Variants in NAGA observed in about 807,000 individuals in gnomAD.
The protein encoded by NAGA is Acetylgalactosaminidase, alpha-N- (alpha-galactosidase B).
Under a neutral mutation model 45.6 loss-of-function variants are expected in NAGA, and 42 were observed. The ratio of observed to expected loss-of-function variants is 0.92; its 90% confidence interval spans 0.72 to 1.19. NAGA has a LOEUF of 1.19. Among genes scored for constraint, NAGA ranks in the 50% most tolerant of loss-of-function variants. NAGA has a pLI of 0.00. For synonymous variants in NAGA, 176 were observed against 203.1 expected (o/e 0.87, Z 1.13); for missense variants, 493 against 544.8 (o/e 0.90, Z 0.95).
chr22:42,068,095 GC>G (rs1176775784), intron 2 of NAGA, among the ~76,000 whole-genome samples, 159 bp from the exon 3 acceptor site: 1 of 152,184 alleles, frequency 6.6e-6, no homozygotes, highest in Non-Finnish European at 1.5e-5. Flanking sequence ...TGTGCGATGA[GC>G]CATAAGCAAG....
chr22:42,061,039 C>T lies in NAGA; in HGVS notation c.986G>A (p.Arg329Gln), dbSNP rs121434533. ...GGCGCTAGCCTTGTTGGACAGAGGC[C>T]GCATGTACACTTCGATGAGAGATTT... Reference protein sequence around the residue: ...KEKSLIEVYMRPLSNKASALV... With the variant: ...KEKSLIEVYMQPLSNKASALV... Residue 329 changes from arginine to glutamine, a missense_variant, in exon 8 of 9, where the codon CGG (arginine) becomes CAG (glutamine). Transcript: ENST00000396398. 4.1e-5 allele frequency: 66 copies of T among 1,614,178 alleles called. No homozygotes were observed. Among genetic ancestry groups the T allele is most frequent in the East Asian group, 2.9e-4 (13 of 44,882 alleles).
Position 42,068,559 on chromosome 22 carries a change from T to C in NAGA, c.32A>G (p.His11Arg), listed in dbSNP as rs1478744478. Reference protein sequence around the residue: MLLKTVLLLGHVAQVLMLDNG... With the variant: MLLKTVLLLGRVAQVLMLDNG... ...GTCCAGCATCAGCACCTGGGCCACA[T>C]GTCCCAGCAAGAGCACTAGGGGGCA... The change falls in exon 2 of 9, where the codon CAT (histidine) becomes CGT (arginine). Residue 11 changes from histidine (H) to arginine (R), a missense_variant. Transcript: ENST00000396398. The C allele has an allele frequency of 1.2e-6, 2 of 1,614,092 alleles. No individual in the cohort carries two copies. Among genetic ancestry groups the C allele is most frequent in the Non-Finnish European group, 1.7e-6 (2 of 1,179,996 alleles).
At position 42,068,495 on chromosome 22, in the gene NAGA, G is replaced by GGCCA. The variant is rs1425338899; in HGVS notation, c.92_95dup (p.Trp33GlyfsTer10). 6.2e-7 allele frequency: 1 copy of GGCCA among 1,614,150 alleles called. No homozygotes were observed. The highest frequency in any genetic ancestry group is 1.7e-5 in the Admixed American group (1 of 60,016). Reference sequence around the variant, plus strand: ...TAATGTTGCAGCGGAAGCGTTCCCAGGCCAGCCAGCCCATGGGTGGTGTCT... The same window carrying GGCCA: ...TAATGTTGCAGCGGAAGCGTTCCCAGGCCAGCCAGCCAGCCCATGGGTGGTGTCT... On this transcript the variant is annotated frameshift_variant, in exon 2 of 9. Transcript: ENST00000396398. LOFTEE classifies it high-confidence loss of function.
Position 42,070,368 on chromosome 22 carries a change from T to TG in NAGA, c.-72dup. ...TGTATCAGCTGTATGTGTTGGGCTC[T>TG]GGAAGCTAAGAAACGTCTGAAAAGC... is the stretch of plus-strand genomic sequence containing the variant. On this transcript the variant is annotated 5_prime_UTR_variant, in exon 1 of 9. Transcript: ENST00000396398. 1 of 1,593,746 alleles carries TG rather than the reference T, an allele frequency of 6.3e-7. No individual in the cohort carries two copies. The highest frequency in any genetic ancestry group is 8.6e-7 in the Non-Finnish European group (1 of 1,161,424).
chr22:42,066,738 G>T lies in NAGA; in HGVS notation c.569C>A (p.Pro190Gln), dbSNP rs1366833114. The T allele has an allele frequency of 1.2e-6, 2 of 1,605,564 alleles. No individual in the cohort carries two copies. The highest frequency in any genetic ancestry group is 1.7e-6 in the Non-Finnish European group (2 of 1,176,554). ...TGGGGGGAGGCCGCCTTCATAGGCT[G>T]GCCAGCTGCAGGAGAAGGCGATGGG... ...GRPIAFSCSWPAYEGGLPPRV... is the reference protein window; with the variant it reads ...GRPIAFSCSWQAYEGGLPPRV... The change falls in exon 5 of 9, where the codon CCA (proline) becomes CAA (glutamine). Residue 190 changes from proline (P) to glutamine (Q), a missense_variant. Transcript: ENST00000396398.
At chr22:42,062,707 GT>G in intron 7 of NAGA, 119 bp downstream of exon 7, 1 of 1,141,146 alleles carries the variant, frequency 8.8e-7, no homozygotes, top group East Asian at 2.4e-5. Flanking sequence ...GGTAGCCCTG[GT>G]TGGGGACTGG....
chr22:42,068,674 G>C, intron 1 of NAGA, 100 bp from the exon 2 acceptor site: 24 of 1,486,770 alleles, frequency 1.6e-5, no homozygotes, highest in East Asian at 9.8e-5. Context: ...TACAGAGGCT[G>C]CCTGCCTATA....
chr22:42,060,968 A>C lies in NAGA; in HGVS notation c.1057T>G (p.Ser353Ala), dbSNP rs1283332120. The stretch of plus-strand genomic sequence containing the variant: ...GTGAAGTTCAGCTGGCCAAGGGAGG[A>C]GTGGTAGCGATAAGGCATATCGGTC... ...CRTDMPYRYH[S>A]SLGQLNFTGS... Residue 353 changes from serine to alanine, a missense_variant, in exon 8 of 9, where the codon TCC (serine) becomes GCC (alanine). By Grantham distance (99) the Ser-to-Ala change is moderately conservative (BLOSUM62 1). Transcript: ENST00000396398. 2 of 1,614,042 alleles carry C rather than the reference A, an allele frequency of 1.2e-6. No homozygotes were observed. The highest frequency in any genetic ancestry group is 1.7e-6 in the Non-Finnish European group (2 of 1,180,036).
chr22:42,062,866 G>T lies in NAGA; in HGVS notation c.918C>A (p.Asn306Lys). The change falls in exon 7 of 9, where the codon AAC becomes AAA. Residue 306 changes from asparagine to lysine, a missense_variant. Asn to Lys is a moderately conservative substitution (Grantham distance 94, BLOSUM62 0). Transcript: ENST00000396398. ...GTCCCTGGATGCCTAAGGGATCCTG[G>T]TTGATTTTGATCATGAGTGGATTCT... ...ILQNPLMIKI[N>K]QDPLGIQGRR... 1 of 1,614,158 alleles carries T rather than the reference G, an allele frequency of 6.2e-7. No individual in the cohort carries two copies. The highest frequency in any genetic ancestry group is 1.3e-5 in the African/African-American group (1 of 75,032).
intron 5 of NAGA, 29 bp downstream of exon 5, chr22:42,066,681 G>T (rs746428748): frequency 6.4e-7 from 1 of 1,562,086 alleles, no homozygotes; most frequent in Non-Finnish European, 8.7e-7. Context: ...TGTGGGAAGC[G>T]CCATCAGGCA....
In NAGA at chr22:42,062,879, A is replaced by T. The variant is rs1926489581; in HGVS notation, c.905T>A (p.Met302Lys). 6.2e-7 allele frequency: 1 copy of T among 1,614,044 alleles called. No individual in the cohort carries two copies. Among genetic ancestry groups the T allele is most frequent in the Admixed American group, 1.7e-5 (1 of 60,004 alleles). ...QNMDILQNPLMIKINQDPLGI... is the reference protein window; with the variant it reads ...QNMDILQNPLKIKINQDPLGI... ...TAAGGGATCCTGGTTGATTTTGATC[A>T]TGAGTGGATTCTGCAGAATGTCCAT... Residue 302 changes from methionine to lysine, a missense_variant, in exon 7 of 9, where the codon ATG becomes AAG. Transcript: ENST00000396398.
At chr22:42,061,365 C>T (rs553310393) in intron 7 of NAGA, among the ~76,000 whole-genome samples, 1 of 152,244 alleles carries the variant, frequency 6.6e-6, no homozygotes, top group Admixed American at 6.5e-5. Flanking sequence ...GAGGGATAAA[C>T]GCAGAAACAG....
rs777880011 is a variant in NAGA at position 42,070,775 on chromosome 22, A to G, written c.-478T>C. 2.5e-5 allele frequency: 6 copies of G among 240,870 alleles called. No individual in the cohort carries two copies. In the South Asian group the frequency reaches 3.0e-4, roughly 12 times the overall value. The allele number at this position is 240,870 out of a possible 1,614,324, so 14.9% of individuals were successfully genotyped here. A position where few individuals can be genotyped will look rare whatever the true frequency, so the allele number is the denominator to read the frequency against. On this transcript the variant is annotated 5_prime_UTR_variant, in exon 1 of 9. Coordinates refer to ENST00000396398, the MANE Select transcript of NAGA (RefSeq NM_000262.3). ...GCACTTATCCTACCGAAGCGTTCAG[A>G]CCTGCCGCCGCTTCTGACTCGAATC...
chr22:42,063,809 G>C (rs139848534), intron 6 of NAGA, among the ~76,000 whole-genome samples: 53 of 152,312 alleles, frequency 3.5e-4, no homozygotes, highest in African/African-American at 1.2e-3. Context: ...TCTGCGGCTG[G>C]TCCTGCTACA....
Position 42,059,244 on chromosome 22 carries a change from C to T in NAGA, c.*1035G>A, listed in dbSNP as rs62238588. On this transcript the variant is annotated 3_prime_UTR_variant, in exon 9 of 9. Coordinates refer to ENST00000396398, the MANE Select transcript of NAGA (RefSeq NM_000262.3). ...CTAAAAGAGGAGGGCTTGGGAAATA[C>T]GGACCAAAGCAAGACAGGCAAGAAC... 8,794 of 152,256 alleles carry T rather than the reference C, an allele frequency of 0.058. 356 individuals are homozygous for T. The highest frequency in any genetic ancestry group is 0.09 in the Non-Finnish European group (6,136 of 68,036). 9.4% of individuals were successfully genotyped at this position (152,256 alleles called of 1,614,324 possible). A position where few individuals can be genotyped will look rare whatever the true frequency, so the allele number is the denominator to read the frequency against.
At chr22:42,065,168 C>T (rs1418112163) in intron 6 of NAGA, among the ~76,000 whole-genome samples, 2 of 152,212 alleles carry the variant, frequency 1.3e-5, no homozygotes, top group Non-Finnish European at 2.9e-5. Flanking sequence ...CCTGGCTTAG[C>T]ACTTGTAATT....
chr22:42,063,575 A>T (rs571718269), intron 6 of NAGA, among the ~76,000 whole-genome samples: 52 of 152,360 alleles, frequency 3.4e-4, no homozygotes, highest in Admixed American at 9.8e-4. Flanking sequence ...AAAGCATTGT[A>T]AAACTTTTTG....
chr22:42,062,173 G>C (rs1017029475), intron 7 of NAGA, among the ~76,000 whole-genome samples: 1 of 152,008 alleles, frequency 6.6e-6, no homozygotes, highest in South Asian at 2.1e-4. Context: ...AGTATTCCTT[G>C]GCTATAACAG....
intron 2 of NAGA, 25 bp downstream of exon 2, chr22:42,068,414 T>A (rs1926868880): frequency 6.2e-7 from 1 of 1,613,986 alleles, no homozygotes; most frequent in African/African-American, 1.3e-5. Context: ...GCAAGGCTCA[T>A]CAGGTGAGTG....
Sources: allele counts gnomAD v4.1 joint callset (sites outside exome capture counted in the v4.1 genomes callset), GRCh38; gene constraint gnomAD v4.1.1; transcripts MANE v1.5; gene names NCBI Gene and HGNC (gene_info 2026-07-23, HGNC 2026-07-21).